The following CELF2 variants were observed in gnomAD, a reference collection of about 807,000 sequenced individuals.
CELF2 encodes the protein CUG triplet repeat RNA-binding protein 2.
In CELF2, 8 loss-of-function variants were observed where a neutral mutation model predicts 62.6. That is an observed-to-expected ratio of 0.13 (90% CI 0.07 to 0.23). The LOEUF is 0.23. CELF2 is among the 10% of genes least tolerant of loss of function. The probability of loss-of-function intolerance (pLI) is 1.00; values close to 1 mark genes in which losing one functional copy is unlikely to be tolerated. For synonymous variants in CELF2, 258 were observed against 250.0 expected, an observed-to-expected ratio of 1.03 and a Z score of -0.30; for missense variants, 333 against 671.0, an observed-to-expected ratio of 0.50 and a Z score of 5.56.
rs1183736242 is a variant in CELF2, at chr10:11,300,085, G to A, written c.976+11533G>A. Among the ~76,000 whole-genome samples, 4 of 152,256 alleles carry A rather than the reference G, an allele frequency of 2.6e-5. No individual in the cohort carries two copies. The East Asian group carries it at 5.8e-4, about 22-fold the overall frequency. On this transcript the variant is annotated intron_variant, in intron 9 of 12. Coordinates refer to ENST00000633077, the MANE Select transcript of CELF2 (RefSeq NM_001326342.2). This position sits in a 1 kb window ranked among gnomAD's most constrained non-coding sequence, Gnocchi z 5.5. ...GGGGAAGATGCTAAAAATTAGGCCG[G>A]GTAGGGAGGCACCCTGGTTTATTGA...
chr10:11,035,190 C>G (rs1166280906), intron 1 of CELF2, among the ~76,000 whole-genome samples: 2 of 151,816 alleles, frequency 1.3e-5, no homozygotes, highest in African/African-American at 4.9e-5. Flanking sequence ...TTAAGACTTT[C>G]AAACCTTAAG....
intron 8 of CELF2, among the ~76,000 whole-genome samples, chr10:11,284,290 TGTC>T (rs2090308842): frequency 2.2e-3 from 1 of 458 alleles, no homozygotes; most frequent in Non-Finnish European, 5.1e-3. Context: ...CATGGATGAG[TGTC>T]GTGGTGGGTG....
At chr10:10,780,775 G>A in the CELF2 span, among the ~76,000 whole-genome samples, 16 of 151,972 alleles carry the variant, frequency 1.1e-4, no homozygotes, top group East Asian at 3.9e-4. Context: ...CACTGCGCCC[G>A]GCAAACAGGG....
In CELF2 at chr10:11,275,133, G is replaced by A. The variant is rs1204213507; in HGVS notation, c.841+13G>A. ...CAACAAATGGCAGGTAAGTCAGGAA[G>A]CACGCCTCTCCTTTTGACCGTGCTA... On this transcript the variant is annotated intron_variant, in intron 8 of 12. Transcript: ENST00000633077. 4.3e-6 allele frequency: 7 copies of A among 1,613,868 alleles called. No homozygotes were observed. The highest frequency in any genetic ancestry group is 2.2e-5 in the East Asian group (1 of 44,902).
chr10:10,730,743 G>T, the CELF2 span, among the ~76,000 whole-genome samples: 7 of 152,164 alleles, frequency 4.6e-5, no homozygotes, highest in Admixed American at 1.3e-4. Context: ...GGACCACATG[G>T]TATTTCTACT....
At position 11,091,647 on chromosome 10, in the gene CELF2, C is replaced by T. The variant is rs560278013; in HGVS notation, c.74+73484C>T. ...GGAAAGGTTACATCGAAGATGGAGGCGAACCCGAATTTTTTTCCCCTACCA... is the reference window on the plus strand; with the variant it reads ...GGAAAGGTTACATCGAAGATGGAGGTGAACCCGAATTTTTTTCCCCTACCA... On this transcript the variant is annotated intron_variant, in intron 1 of 12. Coordinates refer to ENST00000633077, the MANE Select transcript of CELF2 (RefSeq NM_001326342.2). 9.9e-5 allele frequency among the ~76,000 whole-genome samples: 15 copies of T among 152,242 alleles called. No individual in the cohort carries two copies. The South Asian group carries it at 2.9e-3, about 29-fold the overall frequency.
chr10:11,038,644 G>T (rs746168967), intron 1 of CELF2, among the ~76,000 whole-genome samples: 19 of 152,074 alleles, frequency 1.2e-4, no homozygotes, highest in Non-Finnish European at 2.1e-4. Context: ...AGGAAAATTT[G>T]AATATCCATT....
intron 1 of CELF2, among the ~76,000 whole-genome samples, chr10:11,115,457 G>C (rs2143551555): frequency 6.6e-6 from 1 of 152,270 alleles, no homozygotes; most frequent in African/African-American, 2.4e-5. Context: ...GTAGTAGGAG[G>C]GAGTTGTATT....
intron 1 of CELF2, among the ~76,000 whole-genome samples, chr10:11,093,035 C>A (rs1396767331): frequency 6.6e-6 from 1 of 152,222 alleles, no homozygotes; most frequent in East Asian, 1.9e-4. Context: ...TAATAGGAGG[C>A]TGTACGTCTT....
rs112120823 is a variant in CELF2, at chr10:10,942,499, C to T, written c.89+22500C>T. On this transcript the variant is annotated intron_variant, in intron 2 of 13. Coordinates refer to the CELF2 transcript ENST00000636488. ...CACCCTCACTTCCTTGCCATGTGGG[C>T]CTTTCCATAGGGAAGCTGGCTTCCA... 9.2e-3 allele frequency among the ~76,000 whole-genome samples: 1,403 copies of T among 152,264 alleles called. 18 individuals carry two copies. The highest frequency in any genetic ancestry group is 0.029 in the African/African-American group (1,216 of 41,544).
At chr10:10,959,624 G>C (rs1203112174) in intron 2 of CELF2, among the ~76,000 whole-genome samples, 8 of 152,200 alleles carry the variant, frequency 5.3e-5, no homozygotes. Context: ...ATGTTGGTTA[G>C]TGCAGCCCTA....
chr10:10,844,294 G>C (rs977920341), intron 1 of CELF2, among the ~76,000 whole-genome samples: 4 of 151,946 alleles, frequency 2.6e-5, no homozygotes, highest in African/African-American at 9.7e-5. Context: ...AAAACATTCA[G>C]AACAAGGGGA....
chr10:10,541,398 TG>T, the CELF2 span, among the ~76,000 whole-genome samples: 1 of 152,150 alleles, frequency 6.6e-6, no homozygotes, highest in African/African-American at 2.4e-5. Context: ...CCTAGACTAA[TG>T]TGAAAGCAAG....
At chr10:11,131,014 C>T (rs1468520218) in intron 1 of CELF2, among the ~76,000 whole-genome samples, 25 of 152,210 alleles carry the variant, frequency 1.6e-4, no homozygotes, top group Non-Finnish European at 1.5e-5. Context: ...ACTGTTGTTA[C>T]ATACGTTGTG....
the CELF2 span, among the ~76,000 whole-genome samples, chr10:10,642,383 A>G: frequency 2.0e-5 from 3 of 152,112 alleles, no homozygotes; most frequent in Non-Finnish European, 4.4e-5. Flanking sequence ...AGTTTATATT[A>G]CCCAGCAGGC....
the CELF2 span, among the ~76,000 whole-genome samples, chr10:10,634,674 T>TG: frequency 6.6e-6 from 1 of 151,128 alleles, no homozygotes; most frequent in Admixed American, 6.6e-5. Flanking sequence ...TTCTTTTTTT[T>TG]TTTTTTAAAT....
At chr10:11,292,686 C>G (rs2092680910) in intron 9 of CELF2, among the ~76,000 whole-genome samples, 2 of 152,062 alleles carry the variant, frequency 1.3e-5, no homozygotes, top group Non-Finnish European at 2.9e-5. Flanking sequence ...AAGAGGCTGT[C>G]TCCCCAAGAC....
At chr10:11,057,631 G>A (rs1026335805) in intron 1 of CELF2, among the ~76,000 whole-genome samples, 6 of 152,136 alleles carry the variant, frequency 3.9e-5, no homozygotes, top group South Asian at 4.1e-4. Context: ...AGCCATTGAC[G>A]TAGTATGTTT....
At position 11,275,086 on chromosome 10, in the gene CELF2, C is replaced by T. The variant is rs759907427; in HGVS notation, c.807C>T (p.Asn269=). 2 of 1,614,228 alleles carry T rather than the reference C, an allele frequency of 1.2e-6. No homozygotes were observed. The highest frequency in any genetic ancestry group is 1.1e-5 in the South Asian group (1 of 91,092). ...TGCAGCAGGCCACCTCCTCCAGCAA[C>T]CTGGGTGCGTTCAGCGGCATTCAAC... ...ALLQQATSSS[N]LGAFSGIQQM... Residue 269 remains asparagine, a synonymous_variant, in exon 8 of 13, where the codon AAC becomes AAT. Transcript: ENST00000633077.
Sources: gnomAD v4.1 joint callset for allele counts (sites outside exome capture counted in the v4.1 genomes callset) on GRCh38, gnomAD v4.1.1 for gene constraint, Gnocchi (gnomAD v3.1) non-coding constraint, MANE v1.5 for transcripts, NCBI Gene and HGNC (gene_info 2026-07-23, HGNC 2026-07-21) for gene names.